The following SPATA22 variants were observed in gnomAD, a reference collection of about 807,000 sequenced individuals.
SPATA22 encodes the protein spermatogenesis associated 22.
Under a neutral mutation model 47.8 loss-of-function variants are expected in SPATA22, and 29 were observed. The ratio of observed to expected loss-of-function variants is 0.61; its 90% CI spans 0.45 to 0.83. The LOEUF (loss-of-function observed/expected upper bound fraction) is 0.83. Ranked by LOEUF, SPATA22 falls within the 40% of genes least tolerant of loss-of-function variation. The pLI is 0.00. For missense variants in SPATA22, 410 were observed against 421.7 expected (o/e 0.97, Z 0.24); for synonymous variants, 133 against 140.9 (o/e 0.94, Z 0.40).
intron 3 of SPATA22, among the ~76,000 whole-genome samples, chr17:3,466,076 G>A (rs984212258): frequency 1.5e-4 from 22 of 151,376 alleles, no homozygotes; most frequent in African/African-American, 5.1e-4. Context: ...GGAAATATAT[G>A]AACTTCACAC....
upstream of SPATA22, among the ~76,000 whole-genome samples, chr17:3,475,173 A>G (rs1180193629): frequency 6.6e-6 from 1 of 152,224 alleles, no homozygotes; most frequent in Non-Finnish European, 1.5e-5. Flanking sequence ...ATGAAATCAA[A>G]TCAGATTTGG....
intron 1 of SPATA22, among the ~76,000 whole-genome samples, chr17:3,493,755 G>T (rs997557701): frequency 6.6e-6 from 1 of 151,946 alleles, no homozygotes; most frequent in Non-Finnish European, 1.5e-5. Context: ...CTTGTTCAAG[G>T]CCGCATAGCC....
At chr17:3,486,862 T>C (rs2073731581) in intron 1 of SPATA22, among the ~76,000 whole-genome samples, 1 of 152,216 alleles carries the variant, frequency 6.6e-6, no homozygotes, top group African/African-American at 2.4e-5. Flanking sequence ...AAATTAATTT[T>C]TCGATACAAG....
At chr17:3,472,284 C>T (rs535466452), upstream of SPATA22, 3 of 152,644 alleles carry the variant, frequency 2.0e-5, no homozygotes, top group African/African-American at 7.2e-5. Flanking sequence ...AGATGGCGGC[C>T]ATGGAAGGCG....
At chr17:3,467,977 C>T (rs565182095) in intron 2 of SPATA22, among the ~76,000 whole-genome samples, 2 of 152,152 alleles carry the variant, frequency 1.3e-5, no homozygotes, top group East Asian at 3.9e-4. Context: ...CCTTTTGGGC[C>T]TTGGTTCTCA....
chr17:3,492,371 G>A (rs1166062840), intron 1 of SPATA22, among the ~76,000 whole-genome samples: 1 of 152,108 alleles, frequency 6.6e-6, no homozygotes, highest in Admixed American at 6.5e-5. Flanking sequence ...TGTTCTATCA[G>A]TTTTTACTTT....
At chr17:3,489,248 T>G (rs1203013371) in intron 1 of SPATA22, 1 of 1,611,322 alleles carries the variant, frequency 6.2e-7, no homozygotes, top group Non-Finnish European at 8.5e-7. Context: ...TAGAAGTTGG[T>G]CCTCAGCCTC....
intron 1 of SPATA22, among the ~76,000 whole-genome samples, chr17:3,477,918 C>T (rs1329382836): frequency 6.6e-6 from 1 of 152,036 alleles, no homozygotes; most frequent in African/African-American, 2.4e-5. Context: ...CACAGTGGCT[C>T]ACACCTGTAA....
At chr17:3,452,141 G>T (rs1212676397) in intron 5 of SPATA22, among the ~76,000 whole-genome samples, 1 of 151,624 alleles carries the variant, frequency 6.6e-6, no homozygotes, top group South Asian at 2.1e-4. Flanking sequence ...TTATAGCAAT[G>T]AATGCCCAAG....
At chr17:3,479,407 A>G (rs757122866) in intron 1 of SPATA22, among the ~76,000 whole-genome samples, 11 of 152,274 alleles carry the variant, frequency 7.2e-5, no homozygotes, top group African/African-American at 2.4e-4. Context: ...ATAAATATCC[A>G]TTAGGCTTGG....
chr17:3,494,503 G>T (rs1416090922), intron 1 of SPATA22: 1 of 1,490,032 alleles, frequency 6.7e-7, no homozygotes, highest in Admixed American at 1.7e-5. Context: ...TAATAATGCT[G>T]TACCTTTGAA....
chr17:3,494,288 G>A (rs1403547104), intron 1 of SPATA22: 2 of 1,303,180 alleles, frequency 1.5e-6, no homozygotes, highest in Non-Finnish European at 2.2e-6. Flanking sequence ...ACAGGCATGA[G>A]CCACCACACC....
rs2073799333 is a variant in SPATA22 at position 3,490,125 on chromosome 17, A to T, written c.-73-20727T>A. 6.6e-6 allele frequency among the ~76,000 whole-genome samples: 1 copy of T among 152,330 alleles called. No individual in the cohort carries two copies. The highest frequency in any genetic ancestry group is 1.5e-5 in the Non-Finnish European group (1 of 68,022). ...ATATATATGTTAACACATCACAGGG[A>T]AAGTCCTAGAAGAAAACACACCAAA... On this transcript the variant is annotated intron_variant, in intron 1 of 8. Transcript: ENST00000541913. The surrounding 1 kb of genome is among the most constrained non-coding windows in gnomAD (Gnocchi z 4.6).
chr17:3,454,082 T>A lies in SPATA22; in HGVS notation c.330-4933A>T, dbSNP rs114086008. 1.5e-4 allele frequency among the ~76,000 whole-genome samples: 23 copies of A among 151,662 alleles called. No individual in the cohort carries two copies. In the East Asian group the frequency reaches 4.3e-3, roughly 28 times the overall value. On this transcript the variant is annotated intron_variant, in intron 5 of 8. Transcript: ENST00000572969. Reference sequence around the variant, plus strand: ...CAGGAGCATTTCTTTACACCAACAATAGATATTCCAAAAGGAAACCAAGAG... The same window carrying A: ...CAGGAGCATTTCTTTACACCAACAAAAGATATTCCAAAAGGAAACCAAGAG...
At position 3,467,410 on chromosome 17, in the gene SPATA22, T is replaced by G. The variant is rs2073338358; in HGVS notation, c.172+16A>C. On this transcript the variant is annotated intron_variant, in intron 3 of 8. Coordinates refer to ENST00000572969, the MANE Select transcript of SPATA22 (RefSeq NM_001170698.2). ...TTTGTATTTCCTGAAAATTTTTACC[T>G]TATTAATTTTCTTACCTGTAGGTAG... 2 of 1,567,734 alleles carry G rather than the reference T, an allele frequency of 1.3e-6. No individual in the cohort carries two copies. The highest frequency in any genetic ancestry group is 1.3e-5 in the South Asian group (1 of 79,670).
At chr17:3,500,207 A>G (rs759369512) in intron 1 of SPATA22, 2 of 152,264 alleles carry the variant, frequency 1.3e-5, no homozygotes, top group African/African-American at 2.4e-5. Flanking sequence ...TCTAAAACCT[A>G]CAAGTGGAAA....
upstream of SPATA22, among the ~76,000 whole-genome samples, chr17:3,472,827 G>C (rs1360778695): frequency 6.6e-6 from 1 of 152,184 alleles, no homozygotes; most frequent in Non-Finnish European, 1.5e-5. Context: ...AAGTAAAGAA[G>C]AGTGTTAGAA....
chr17:3,451,526 G>T (rs527277437), intron 5 of SPATA22, among the ~76,000 whole-genome samples: 1 of 152,204 alleles, frequency 6.6e-6, no homozygotes, highest in African/African-American at 2.4e-5. Context: ...AAGCACAGAT[G>T]GAACTTTCTG....
Position 3,448,790 on chromosome 17 carries a change from T to C in SPATA22, c.672+17A>G. On this transcript the variant is annotated intron_variant, in intron 6 of 8. Coordinates refer to ENST00000572969, the MANE Select transcript of SPATA22 (RefSeq NM_001170698.2). ...TAAAAATGTAAATAAGTCATTAATT[T>C]GTATTTAAACATTTACCTTCAGGGT... is the stretch of plus-strand genomic sequence containing the variant. 6 of 1,528,376 alleles carry C rather than the reference T, an allele frequency of 3.9e-6. No homozygotes were observed. The highest frequency in any genetic ancestry group is 4.4e-6 in the Non-Finnish European group (5 of 1,126,958). 94.7% of individuals were successfully genotyped at this position (1,528,376 alleles called of 1,614,324 possible). A position where few individuals can be genotyped will look rare whatever the true frequency, so the allele number is the denominator to read the frequency against.
Sources: gnomAD v4.1 joint callset for allele counts (sites outside exome capture counted in the v4.1 genomes callset) on GRCh38, gnomAD v4.1.1 for gene constraint, Gnocchi (gnomAD v3.1) non-coding constraint, MANE v1.5 for transcripts, NCBI Gene and HGNC (gene_info 2026-07-23, HGNC 2026-07-21) for gene names.